FARP1: variants seen among roughly 807,000 people sequenced by gnomAD.
The protein encoded by FARP1 is FERM, ARHGEF and pleckstrin domain-containing protein 1.
In FARP1, 52 loss-of-function variants were observed where a neutral mutation model predicts 128.8. The observed-to-expected ratio is 0.40, with a 90% CI of 0.32 to 0.51. FARP1 has a LOEUF of 0.51. Among genes scored for constraint, FARP1 ranks in the 20% least tolerant of loss-of-function variants. FARP1 has a pLI of 0.45. For missense variants in FARP1, 1,333 were observed against 1,367.9 expected, an observed-to-expected ratio of 0.97 and a Z score of 0.40; for synonymous variants, 580 against 551.8, an observed-to-expected ratio of 1.05 and a Z score of -0.72.
chr13:98,373,129 C>T (rs1889420832), intron 5 of FARP1, among the ~76,000 whole-genome samples: 1 of 152,120 alleles, frequency 6.6e-6, no homozygotes, highest in Non-Finnish European at 1.5e-5. Context: ...TCAAAATAGC[C>T]TTGTGCTCTC....
chr13:98,256,948 G>GATATATAT (rs56701739), intron 2 of FARP1, among the ~76,000 whole-genome samples: 2 of 77,074 alleles, frequency 2.6e-5, no homozygotes, highest in African/African-American at 4.0e-5. Flanking sequence ...TATATATGTG[G>GATATATAT]ATATATATAT....
At chr13:98,212,676 C>T (rs1307199383) in intron 1 of FARP1, among the ~76,000 whole-genome samples, 1 of 152,110 alleles carries the variant, frequency 6.6e-6, no homozygotes, top group African/African-American at 2.4e-5. Context: ...TAGAAATAGA[C>T]ACTAGAAACC....
chr13:98,447,488 C>G (rs1446242458), intron 26 of FARP1: 1 of 152,314 alleles, frequency 6.6e-6, no homozygotes, highest in Non-Finnish European at 1.5e-5. Flanking sequence ...CAGTCCAGAT[C>G]CTGAAAGGCC....
chr13:98,358,080 T>C (rs1276216882), intron 3 of FARP1, among the ~76,000 whole-genome samples: 1 of 151,978 alleles, frequency 6.6e-6, no homozygotes, highest in African/African-American at 2.4e-5. Context: ...TGTTTTTTTT[T>C]TTTTTTCCTG....
At chr13:98,445,085 C>T (rs1769856413) in intron 24 of FARP1, 1 of 152,316 alleles carries the variant, frequency 6.6e-6, no homozygotes, top group African/African-American at 2.4e-5. Context: ...CTGGACCCTC[C>T]CTGAGCAACT....
intron 1 of FARP1, chr13:98,159,728 C>T (rs1455276800): frequency 6.6e-6 from 1 of 152,182 alleles, no homozygotes; most frequent in East Asian, 1.9e-4. Context: ...ACCTCGGCCT[C>T]CCAAAGTGCT....
chr13:98,315,667 C>T (rs1886689110), intron 2 of FARP1, among the ~76,000 whole-genome samples: 1 of 152,162 alleles, frequency 6.6e-6, no homozygotes, highest in Admixed American at 6.5e-5. Context: ...GAGCTCACAT[C>T]TGCTCGCTCT....
intron 2 of FARP1, among the ~76,000 whole-genome samples, chr13:98,269,511 C>T (rs1191650061): frequency 6.6e-6 from 1 of 152,214 alleles, no homozygotes; most frequent in Non-Finnish European, 1.5e-5. Flanking sequence ...TCATCCACAG[C>T]AGCCCTATGA....
chr13:98,388,288 A>G, intron 8 of FARP1, 95 bp from the exon 9 acceptor site: 1 of 857,594 alleles, frequency 1.2e-6, no homozygotes, highest in East Asian at 2.5e-5. Context: ...GTCGCCTGCC[A>G]GCCCTCTTCC....
At chr13:98,174,985 G>A (rs1306907263) in intron 1 of FARP1, among the ~76,000 whole-genome samples, 1 of 152,134 alleles carries the variant, frequency 6.6e-6, no homozygotes, top group African/African-American at 2.4e-5. Context: ...GTGGGTCGAT[G>A]GGTGTGGTTC....
At chr13:98,328,338 C>T (rs1887323126) in intron 2 of FARP1, 1 of 152,116 alleles carries the variant, frequency 6.6e-6, no homozygotes, top group African/African-American at 2.4e-5. Flanking sequence ...ACTCTGGGGT[C>T]CCCTTGGCCA....
intron 7 of FARP1, among the ~76,000 whole-genome samples, chr13:98,385,407 CCAAAAAAAA>C (rs993031149): frequency 1.3e-4 from 19 of 141,684 alleles, no homozygotes; most frequent in East Asian, 2.0e-4. Context: ...CTTTGAGATT[CCAAAAAAAA>C]CAAAAAAAAC....
intron 3 of FARP1, among the ~76,000 whole-genome samples, chr13:98,359,645 A>G (rs1888783907): frequency 6.6e-6 from 1 of 152,120 alleles, no homozygotes; most frequent in Non-Finnish European, 1.5e-5. Context: ...TCTTCACTGT[A>G]CCTTTTCTGT....
At chr13:98,208,921 G>A (rs1362718758) in intron 1 of FARP1, among the ~76,000 whole-genome samples, 1 of 152,174 alleles carries the variant, frequency 6.6e-6, no homozygotes, top group East Asian at 1.9e-4. Context: ...GGCTGAGAAT[G>A]AGTTAGGGAA....
chr13:98,284,183 A>ATT lies in FARP1; in HGVS notation c.172-59569_172-59568dup, dbSNP rs374354092. On this transcript the variant is annotated intron_variant, in intron 2 of 26. Coordinates refer to ENST00000319562, the MANE Select transcript of FARP1 (RefSeq NM_005766.4). ...AAAACATTATGAGACTTTTTGTGTGATTTTTTTTTTTCCTCATCAGCTATT... is the reference window on the plus strand; with the variant it reads ...AAAACATTATGAGACTTTTTGTGTGATTTTTTTTTTTTTCCTCATCAGCTATT... 1.1e-3 allele frequency among the ~76,000 whole-genome samples: 169 copies of ATT among 148,030 alleles called. 2 individuals are homozygous for ATT. In the East Asian group the frequency reaches 0.029, roughly 25 times the overall value.
intron 6 of FARP1, among the ~76,000 whole-genome samples, chr13:98,381,918 C>T (rs1889900778): frequency 6.6e-6 from 1 of 151,998 alleles, no homozygotes; most frequent in Admixed American, 6.6e-5. Flanking sequence ...TTTGGGAGAC[C>T]CAGGCAGGAG....
At chr13:98,388,857 CT>C (rs368727090) in intron 9 of FARP1, among the ~76,000 whole-genome samples, 1 of 152,350 alleles carries the variant, frequency 6.6e-6, no homozygotes, top group African/African-American at 2.4e-5. Flanking sequence ...CATAGACTGA[CT>C]TCCCCAATCC....
intron 2 of FARP1, among the ~76,000 whole-genome samples, chr13:98,231,403 T>C (rs967150388): frequency 2.6e-5 from 4 of 152,216 alleles, no homozygotes; most frequent in African/African-American, 9.6e-5. Flanking sequence ...AGATGCTATG[T>C]TGTCATTCAT....
chr13:98,321,358 A>G (rs1285442577), intron 2 of FARP1, among the ~76,000 whole-genome samples: 3 of 152,244 alleles, frequency 2.0e-5, no homozygotes, highest in African/African-American at 7.2e-5. Context: ...ACTAAAGCAC[A>G]CTTGAGTTAC....
Sources: allele counts gnomAD v4.1 joint callset (sites outside exome capture counted in the v4.1 genomes callset), GRCh38; gene constraint gnomAD v4.1.1; transcripts MANE v1.5; gene names NCBI Gene and HGNC (gene_info 2026-07-23, HGNC 2026-07-21).